The following RNF144A variants were observed in gnomAD, a reference collection of about 807,000 sequenced individuals.
RNF144A encodes the protein E3 ubiquitin-protein ligase RNF144A.
RNF144A carries 11 observed loss-of-function variants against 38.7 expected under a neutral mutation model. That is an observed-to-expected ratio of 0.28 (90% CI 0.18 to 0.47). RNF144A has a LOEUF of 0.47. RNF144A is among the 20% of genes least tolerant of loss of function. The probability of loss-of-function intolerance (pLI) is 0.99; values close to 1 mark genes in which losing one functional copy is unlikely to be tolerated. For missense variants in RNF144A, 316 were observed against 377.2 expected, an observed-to-expected ratio of 0.84 and a Z score of 1.34; for synonymous variants, 149 against 143.9, an observed-to-expected ratio of 1.04 and a Z score of -0.25.
intron 1 of RNF144A, among the ~76,000 whole-genome samples, chr2:6,922,679 T>A (rs1558351445): frequency 6.6e-6 from 1 of 150,498 alleles, no homozygotes; most frequent in Non-Finnish European, 1.5e-5. Context: ...GGCTGGAGTG[T>A]AGTGGTGCAA....
In RNF144A at chr2:7,002,349, A is replaced by T. The variant is rs1176089627; in HGVS notation, c.135+5288A>T. Among the ~76,000 whole-genome samples, 3 of 152,338 alleles carry T rather than the reference A, an allele frequency of 2.0e-5. No individual in the cohort carries two copies. In the East Asian group the frequency reaches 5.8e-4, roughly 29 times the overall value. ...CCTCTGATCCCTTGCTCAGCATTAG[A>T]TGCAGGTGTGGGCTGCGATCATTTG... On this transcript the variant is annotated intron_variant, in intron 3 of 8. Coordinates refer to ENST00000320892, the MANE Select transcript of RNF144A (RefSeq NM_014746.6).
chr2:7,008,830 G>T (rs1670616310), intron 3 of RNF144A, among the ~76,000 whole-genome samples: 1 of 152,222 alleles, frequency 6.6e-6, no homozygotes, highest in Non-Finnish European at 1.5e-5. Flanking sequence ...CATCCTCCTG[G>T]CCTCCACCCC....
In RNF144A at chr2:7,042,654, C is replaced by T; in HGVS notation, c.*2894C>T. 1.0e-6 allele frequency: 1 copy of T among 985,326 alleles called. No individual in the cohort carries two copies. The highest frequency in any genetic ancestry group is 1.2e-6 in the Non-Finnish European group (1 of 829,940). 61.0% of individuals were successfully genotyped at this position (985,326 alleles called of 1,614,324 possible). A position where few individuals can be genotyped will look rare whatever the true frequency, so the allele number is the denominator to read the frequency against. ...TCTCAGTCTGGCTCTGCTGTGTAGT[C>T]CATAGCCCAGCCAGATGAGCTTGCA... On this transcript the variant is annotated 3_prime_UTR_variant, in exon 9 of 9. Transcript: ENST00000320892.
At chr2:6,991,802 T>C (rs1461210446) in intron 2 of RNF144A, among the ~76,000 whole-genome samples, 1 of 152,134 alleles carries the variant, frequency 6.6e-6, no homozygotes, top group Non-Finnish European at 1.5e-5. Context: ...CACACATACA[T>C]ATATATCTCT....
chr2:7,024,997 G>T (rs1465965977), intron 7 of RNF144A, among the ~76,000 whole-genome samples: 1 of 151,892 alleles, frequency 6.6e-6, no homozygotes, highest in Non-Finnish European at 1.5e-5. Flanking sequence ...AGAAGTGGGG[G>T]CTGGGGGGCT....
downstream of RNF144A, among the ~76,000 whole-genome samples, chr2:7,047,736 T>C (rs1673366038): frequency 6.6e-6 from 1 of 152,250 alleles, no homozygotes; most frequent in African/African-American, 2.4e-5. Context: ...CAACTGTAGT[T>C]GGAAGAAATC....
intron 2 of RNF144A, among the ~76,000 whole-genome samples, chr2:6,995,287 C>T (rs1018687372): frequency 6.6e-6 from 1 of 152,064 alleles, no homozygotes; most frequent in Non-Finnish European, 1.5e-5. Context: ...CCAAACCTAC[C>T]TGTGGCACAC....
chr2:7,029,954 G>A (rs1352584361), intron 7 of RNF144A, among the ~76,000 whole-genome samples, 172 bp from the exon 8 acceptor site: 1 of 152,254 alleles, frequency 6.6e-6, no homozygotes, highest in East Asian at 1.9e-4. Context: ...AGCGGCCTGG[G>A]CCTCCAGTGG....
downstream of RNF144A, among the ~76,000 whole-genome samples, chr2:7,070,580 A>G (rs567617066): frequency 6.6e-6 from 1 of 152,302 alleles, no homozygotes; most frequent in South Asian, 2.1e-4. Context: ...GTGTTTGCAG[A>G]TATAATCAAG....
chr2:6,996,828 T>A (rs568428654), intron 2 of RNF144A, 88 bp from the exon 3 acceptor site: 4 of 1,385,048 alleles, frequency 2.9e-6, no homozygotes, highest in Admixed American at 3.9e-5. Flanking sequence ...CCTCCCTGGG[T>A]CCCAGCTACA....
chr2:6,997,217 T>G (rs1021357225), intron 3 of RNF144A, among the ~76,000 whole-genome samples, 156 bp downstream of exon 3: 5 of 152,218 alleles, frequency 3.3e-5, no homozygotes, highest in Admixed American at 2.0e-4. Context: ...AGAATTATTC[T>G]GTTAGTCAGG....
At chr2:7,063,816 A>C (rs1469976841) in intron 6 of RNF144A, among the ~76,000 whole-genome samples, 4 of 152,204 alleles carry the variant, frequency 2.6e-5, no homozygotes, top group Non-Finnish European at 5.9e-5. Context: ...CAATAAGGAG[A>C]TCGTTAGTGG....
intron 6 of RNF144A, among the ~76,000 whole-genome samples, chr2:7,053,806 T>A (rs985163492): frequency 1.7e-4 from 26 of 152,242 alleles, no homozygotes; most frequent in Non-Finnish European, 2.9e-5. Context: ...GGTGCACACC[T>A]CCACTTGTTA....
At chr2:6,977,709 A>G (rs59015682) in intron 2 of RNF144A, among the ~76,000 whole-genome samples, 23,536 of 152,208 alleles carry the variant, frequency 0.15, 1,879 homozygotes, top group East Asian at 0.21. Context: ...CCAATTTTTT[A>G]TGGAGCACTT....
At chr2:7,014,596 ACAGG>A (rs1558432724) in intron 4 of RNF144A, 38 bp downstream of exon 4, 1 of 1,529,710 alleles carries the variant, frequency 6.5e-7, no homozygotes, top group Non-Finnish European at 9.0e-7. Flanking sequence ...TTTGATGTGC[ACAGG>A]CGTGCACTGC....
At chr2:6,925,908 A>T (rs558649878) in intron 1 of RNF144A, among the ~76,000 whole-genome samples, 1 of 152,178 alleles carries the variant, frequency 6.6e-6, no homozygotes. Context: ...GCATCAATAC[A>T]CACAACACAT....
rs1236705472 is a variant in RNF144A at position 6,941,724 on chromosome 2, G to A, written c.-12+577G>A. On this transcript the variant is annotated intron_variant, in intron 2 of 8. Coordinates refer to ENST00000320892, the MANE Select transcript of RNF144A (RefSeq NM_014746.6). This position sits in a 1 kb window ranked among gnomAD's most constrained non-coding sequence, Gnocchi z 6.5. The stretch of plus-strand genomic sequence containing the variant: ...GGCAGGTTGCAGTTTTAAGTGGAGT[G>A]GTCAGGGAGGTCTCTAAAGGTGAAA... Among the ~76,000 whole-genome samples the A allele has an allele frequency of 2.0e-5, 3 of 152,270 alleles. No individual in the cohort carries two copies. The highest frequency in any genetic ancestry group is 4.4e-5 in the Non-Finnish European group (3 of 68,052).
At chr2:7,074,489 G>A in the RNF144A span, 2 of 152,156 alleles carry the variant, frequency 1.3e-5, no homozygotes, top group African/African-American at 2.4e-5. Flanking sequence ...ACATTCAATT[G>A]TACTTACAGC....
intron 1 of RNF144A, among the ~76,000 whole-genome samples, chr2:6,931,038 C>T (rs750648265): frequency 5.9e-5 from 9 of 152,224 alleles, no homozygotes; most frequent in Non-Finnish European, 1.2e-4. Context: ...TGCTCCTAAA[C>T]GGCTGCCCTC....
Sources: allele counts gnomAD v4.1 joint callset (sites outside exome capture counted in the v4.1 genomes callset), GRCh38; gene constraint gnomAD v4.1.1; non-coding constraint Gnocchi (gnomAD v3.1); transcripts MANE v1.5; gene names NCBI Gene and HGNC (gene_info 2026-07-23, HGNC 2026-07-21).